ZNF362: variants seen among roughly 807,000 people sequenced by gnomAD.
ZNF362 encodes rotund homolog.
A neutral mutation model predicts 42.9 loss-of-function variants in ZNF362; 11 were observed. The ratio of observed to expected loss-of-function variants is 0.26; its 90% confidence interval spans 0.16 to 0.42. The LOEUF (loss-of-function observed/expected upper bound fraction) is 0.42. ZNF362 is among the 20% of genes least tolerant of loss of function. The pLI is 1.00. For missense variants in ZNF362, 362 were observed against 576.2 expected (o/e 0.63, Z 3.81); for synonymous variants, 255 against 257.3 (o/e 0.99, Z 0.09).
chr1:33,276,310 G>A (rs1431342374), intron 3 of ZNF362, 38 bp from the exon 4 acceptor site: 3 of 1,538,506 alleles, frequency 1.9e-6, no homozygotes, highest in East Asian at 2.4e-5. Context: ...GGCGGGAGGT[G>A]GTCCAGACCT....
At chr1:33,213,920 C>T in the ZNF362 span, among the ~76,000 whole-genome samples, 149 of 151,950 alleles carry the variant, frequency 9.8e-4, 2 homozygotes, top group African/African-American at 3.4e-3. Context: ...CAAGATTGAA[C>T]GAAAACACCT....
the ZNF362 span, among the ~76,000 whole-genome samples, chr1:33,188,583 A>G: frequency 6.6e-6 from 1 of 152,204 alleles, no homozygotes; most frequent in East Asian, 1.9e-4. Context: ...AACTGGCACC[A>G]TGTGGCTGGG....
chr1:33,230,556 C>T, the ZNF362 span, among the ~76,000 whole-genome samples: 101,309 of 152,170 alleles, frequency 0.67, 34,609 homozygotes, highest in Non-Finnish European at 0.74. Context: ...TCACATGTGT[C>T]GGGCCCAGTG....
At chr1:33,168,848 A>G in the ZNF362 span, among the ~76,000 whole-genome samples, 1 of 152,188 alleles carries the variant, frequency 6.6e-6, no homozygotes, top group Non-Finnish European at 1.5e-5. Flanking sequence ...GGTGGCCCCC[A>G]TGGGTCCACA....
In ZNF362 at chr1:33,294,154, C is replaced by T. The variant is rs537847427; in HGVS notation, c.909-783C>T. Among the ~76,000 whole-genome samples the T allele has an allele frequency of 6.6e-6, 1 of 152,254 alleles. No homozygotes were observed. The highest frequency in any genetic ancestry group is 1.5e-5 in the Non-Finnish European group (1 of 68,044). ...AATGAATGTGAATGAATAACGATAA[C>T]TGGCAAACGTTGAGTGCTTACTTTG... On this transcript the variant is annotated intron_variant, in intron 6 of 8. Coordinates refer to ENST00000539719, the MANE Select transcript of ZNF362 (RefSeq NM_152493.3). The surrounding 1 kb of genome is among the most constrained non-coding windows in gnomAD (Gnocchi z 4.2).
the ZNF362 span, chr1:33,181,541 C>T: frequency 1.4e-6 from 2 of 1,441,670 alleles, no homozygotes; most frequent in South Asian, 1.5e-5. This position sits in a 1 kb window ranked among gnomAD's most constrained non-coding sequence, Gnocchi z 6.5. Flanking sequence ...GAGGCCCGCA[C>T]AGGCAGGGGT....
At position 33,266,683 on chromosome 1, in the gene ZNF362, C is replaced by T. The variant is rs1645867166; in HGVS notation, c.-88-3804C>T. Among the ~76,000 whole-genome samples, 1 of 152,152 alleles carries T rather than the reference C, an allele frequency of 6.6e-6. No homozygotes were observed. The highest frequency in any genetic ancestry group is 1.5e-5 in the Non-Finnish European group (1 of 68,032). ...AAATAACCAGATAACCAGACAGTTCCTCAAGGTGGTGCCAGCTGAGCAGAG... is the reference window on the plus strand; with the variant it reads ...AAATAACCAGATAACCAGACAGTTCTTCAAGGTGGTGCCAGCTGAGCAGAG... On this transcript the variant is annotated intron_variant, in intron 1 of 8. Transcript: ENST00000539719. The surrounding 1 kb of genome is among the most constrained non-coding windows in gnomAD (Gnocchi z 4.3).
the ZNF362 span, among the ~76,000 whole-genome samples, chr1:33,184,588 G>A: frequency 1.3e-5 from 2 of 152,152 alleles, no homozygotes; most frequent in African/African-American, 2.4e-5. Context: ...CAGGGACACA[G>A]CTTCAATAAT....
At chr1:33,226,846 T>A in the ZNF362 span, among the ~76,000 whole-genome samples, 1 of 152,172 alleles carries the variant, frequency 6.6e-6, no homozygotes. Flanking sequence ...GCCTGGGCCA[T>A]AGACTGAGAC....
the ZNF362 span, among the ~76,000 whole-genome samples, chr1:33,219,883 C>T: frequency 1.3e-5 from 2 of 152,180 alleles, no homozygotes; most frequent in Non-Finnish European, 2.9e-5. Context: ...TCCTTACTTC[C>T]TTTCCCGTCT....
At position 33,266,968 on chromosome 1, in the gene ZNF362, G is replaced by A. The variant is rs1645869067; in HGVS notation, c.-88-3519G>A. Among the ~76,000 whole-genome samples, 4 of 152,174 alleles carry A rather than the reference G, an allele frequency of 2.6e-5. No homozygotes were observed. The highest frequency in any genetic ancestry group is 2.0e-4 in the Admixed American group (3 of 15,282). On this transcript the variant is annotated intron_variant, in intron 1 of 8. Coordinates refer to ENST00000539719, the MANE Select transcript of ZNF362 (RefSeq NM_152493.3). This position sits in a 1 kb window ranked among gnomAD's most constrained non-coding sequence, Gnocchi z 4.3. Reference sequence around the variant, plus strand: ...TTTTAAGCGGTAGACTTAGCGCCCTGGGAAGGCTCTCCTTCGGCTTGGTCC... The same window carrying A: ...TTTTAAGCGGTAGACTTAGCGCCCTAGGAAGGCTCTCCTTCGGCTTGGTCC...
the ZNF362 span, among the ~76,000 whole-genome samples, chr1:33,189,429 C>G: frequency 6.6e-6 from 1 of 151,698 alleles, no homozygotes; most frequent in Middle Eastern, 3.2e-3. Flanking sequence ...ACATACTCGA[C>G]TATACAGTTG....
the ZNF362 span, among the ~76,000 whole-genome samples, chr1:33,155,868 T>A: frequency 6.6e-6 from 1 of 152,218 alleles, no homozygotes; most frequent in African/African-American, 2.4e-5. Flanking sequence ...CAACACCTGA[T>A]AAGTCTACTA....
the ZNF362 span, among the ~76,000 whole-genome samples, chr1:33,173,683 T>C: frequency 2.0e-5 from 3 of 151,686 alleles, no homozygotes; most frequent in Admixed American, 6.6e-5. Flanking sequence ...TCTTTCTTTT[T>C]TTTTTTTTTC....
the ZNF362 span, among the ~76,000 whole-genome samples, chr1:33,184,897 C>T: frequency 1.3e-5 from 2 of 152,126 alleles, no homozygotes; most frequent in African/African-American, 2.4e-5. Context: ...TCTCCTATCT[C>T]AGCCTCCCTA....
At chr1:33,199,137 A>G in the ZNF362 span, among the ~76,000 whole-genome samples, 1 of 152,166 alleles carries the variant, frequency 6.6e-6, no homozygotes, top group African/African-American at 2.4e-5. Flanking sequence ...AAAATTTCCA[A>G]ATTTGATGAA....
At chr1:33,178,303 C>T in the ZNF362 span, among the ~76,000 whole-genome samples, 1 of 152,214 alleles carries the variant, frequency 6.6e-6, no homozygotes, top group Non-Finnish European at 1.5e-5. Flanking sequence ...CTTATTTCTG[C>T]TGCATAAATA....
chr1:33,134,691 C>T, the ZNF362 span, among the ~76,000 whole-genome samples: 27,804 of 152,204 alleles, frequency 0.18, 3,024 homozygotes, highest in South Asian at 0.29. Context: ...GGAATTTTCT[C>T]TTGGTGCTAG....
intron 6 of ZNF362, among the ~76,000 whole-genome samples, chr1:33,289,230 T>C (rs949455167): frequency 1.3e-5 from 2 of 152,076 alleles, no homozygotes; most frequent in African/African-American, 2.4e-5. Context: ...TGCATCTGCA[T>C]GTGTGTTGGG....
Sources: allele counts gnomAD v4.1 joint callset (sites outside exome capture counted in the v4.1 genomes callset), GRCh38; gene constraint gnomAD v4.1.1; non-coding constraint Gnocchi (gnomAD v3.1); transcripts MANE v1.5; gene names NCBI Gene and HGNC (gene_info 2026-07-23, HGNC 2026-07-21).